The following GLG1 variants were observed in gnomAD, a reference collection of about 807,000 sequenced individuals.
The protein encoded by GLG1 is golgi glycoprotein 1, also known as Golgi apparatus protein 1.
GLG1 carries 38 observed loss-of-function variants against 160.5 expected under a neutral mutation model. The observed-to-expected ratio is 0.24, with a 90% confidence interval of 0.18 to 0.31. The LOEUF is 0.31. Ranked by LOEUF, GLG1 falls within the 10% of genes least tolerant of loss-of-function variation. GLG1 has a pLI of 1.00. For synonymous variants in GLG1, 644 were observed against 543.4 expected (o/e 1.19, Z -2.57); for missense variants, 1,373 against 1,505.2 (o/e 0.91, Z 1.45).
At chr16:74,543,252 C>A (rs1292033193) in intron 1 of GLG1, among the ~76,000 whole-genome samples, 2 of 152,142 alleles carry the variant, frequency 1.3e-5, no homozygotes, top group Non-Finnish European at 2.9e-5. Flanking sequence ...CTGAAAGATG[C>A]GTAGCTCAAA....
At chr16:74,580,819 C>T (rs1338541034) in intron 1 of GLG1, among the ~76,000 whole-genome samples, 1 of 152,118 alleles carries the variant, frequency 6.6e-6, no homozygotes, top group Non-Finnish European at 1.5e-5. Flanking sequence ...CAACAAAATA[C>T]AAACAGCCTG....
intron 1 of GLG1, among the ~76,000 whole-genome samples, chr16:74,597,737 C>T (rs917750296): frequency 6.6e-6 from 1 of 151,890 alleles, no homozygotes; most frequent in Non-Finnish European, 1.5e-5. Context: ...GCCTGTAGTC[C>T]CAGCTACTCG....
At chr16:74,592,037 G>A (rs950162263) in intron 1 of GLG1, among the ~76,000 whole-genome samples, 5 of 152,168 alleles carry the variant, frequency 3.3e-5, no homozygotes, top group Admixed American at 6.5e-5. Context: ...GGCTCTCACC[G>A]TATTGCCAAA....
chr16:74,569,893 A>G (rs990539968), intron 1 of GLG1, among the ~76,000 whole-genome samples: 1 of 150,552 alleles, frequency 6.6e-6, no homozygotes, highest in East Asian at 2.0e-4. Context: ...AAAAAAAGCA[A>G]CGGTTTTGGC....
intron 1 of GLG1, among the ~76,000 whole-genome samples, chr16:74,588,407 T>C (rs1342221066): frequency 1.3e-5 from 2 of 152,174 alleles, no homozygotes; most frequent in Non-Finnish European, 1.5e-5. Flanking sequence ...TTAAGCTTTT[T>C]GGATTTGAAT....
At chr16:74,519,325 G>C (rs1345339023) in intron 2 of GLG1, among the ~76,000 whole-genome samples, 11 of 151,644 alleles carry the variant, frequency 7.3e-5, no homozygotes, top group Non-Finnish European at 1.5e-4. Flanking sequence ...TCACACACTG[G>C]GGCCTTTTGG....
chr16:74,468,090 C>T (rs2015064890), intron 17 of GLG1: 2 of 416,624 alleles, frequency 4.8e-6, no homozygotes, highest in Non-Finnish European at 8.5e-6. Flanking sequence ...TTTAGTCCTT[C>T]ACAGGACTGC....
Position 74,606,952 on chromosome 16 carries a change from G to A in GLG1, c.143C>T (p.Ser48Phe). Reference sequence around the variant, plus strand: ...GCCGCCTCCGGCCTGCCCTACGAAGGACACAAAGTTGGCCCCGGGACCCTG... The same window carrying A: ...GCCGCCTCCGGCCTGCCCTACGAAGAACACAAAGTTGGCCCCGGGACCCTG... ...QGQGPGANFV[S>F]FVGQAGGGGP... The change falls in exon 1 of 26, where the codon TCC (serine) becomes TTC (phenylalanine). Residue 48 changes from serine to phenylalanine, a missense_variant. Coordinates refer to ENST00000422840, the MANE Select transcript of GLG1 (RefSeq NM_001145667.2). The A allele has an allele frequency of 6.2e-7, 1 of 1,609,082 alleles. No individual in the cohort carries two copies. Among genetic ancestry groups the A allele is most frequent in the Admixed American group, 1.7e-5 (1 of 59,578 alleles).
In GLG1 at chr16:74,465,777, T is replaced by C. The variant is rs1319225479; in HGVS notation, c.2566A>G (p.Ser856Gly). The C allele has an allele frequency of 1.2e-6, 2 of 1,613,332 alleles. No individual in the cohort carries two copies. Among genetic ancestry groups the C allele is most frequent in the South Asian group, 2.2e-5 (2 of 91,070 alleles). ...AATACTTTTTGGTGGCAGCGGGTGC[T>C]TAGCTGCTTCTTGTTTTCTTTCAGA... is the stretch of plus-strand genomic sequence containing the variant. ...ECLKENKKQL[S>G]TRCHQKVFKL... Residue 856 changes from serine to glycine, a missense_variant, in exon 19 of 26, where the codon AGC becomes GGC. Around this residue, in one of 4 missense-constraint regions of GLG1, gnomAD observed 491 missense variants for 632.1 expected, o/e 0.78. Coordinates refer to ENST00000422840, the MANE Select transcript of GLG1 (RefSeq NM_001145667.2).
intron 1 of GLG1, among the ~76,000 whole-genome samples, chr16:74,540,459 GA>G (rs2143649063): frequency 6.6e-6 from 1 of 151,902 alleles, no homozygotes; most frequent in South Asian, 2.1e-4. Flanking sequence ...TCCCTTTAGG[GA>G]AACATTTAGA....
rs543351088 is a variant in GLG1 at position 74,563,587 on chromosome 16, C to T, written c.439-31434G>A. 8.5e-4 allele frequency among the ~76,000 whole-genome samples: 129 copies of T among 151,948 alleles called. 2 individuals carry two copies. The highest frequency in any genetic ancestry group is 1.6e-3 in the Non-Finnish European group (108 of 67,974). ...AGCAGAAACACAAAAATTAGCGGGG[C>T]GTGGTGGCGTGTGCCTGTAGTCCCA... is the stretch of plus-strand genomic sequence containing the variant. On this transcript the variant is annotated intron_variant, in intron 1 of 25. Coordinates refer to ENST00000422840, the MANE Select transcript of GLG1 (RefSeq NM_001145667.2).
At chr16:74,590,174 A>AT (rs1958140842) in intron 1 of GLG1, among the ~76,000 whole-genome samples, 1 of 151,704 alleles carries the variant, frequency 6.6e-6, no homozygotes. Flanking sequence ...AGTTTTTTGT[A>AT]TTTTTTAGTA....
At chr16:74,529,812 CT>C (rs1178684020) in intron 2 of GLG1, among the ~76,000 whole-genome samples, 185 of 115,728 alleles carry the variant, frequency 1.6e-3, no homozygotes, top group South Asian at 7.2e-3. Context: ...TTTGAGAGTT[CT>C]TTTTTTTTTT....
chr16:74,453,388 G>T, intron 25 of GLG1, 54 bp from the exon 26 acceptor site: 1 of 1,204,734 alleles, frequency 8.3e-7, no homozygotes, highest in Non-Finnish European at 1.2e-6. Flanking sequence ...GCTGGTGGCA[G>T]TGCTAGGTCT....
At position 74,595,194 on chromosome 16, in the gene GLG1, A is replaced by T. The variant is rs547518290; in HGVS notation, c.438+11463T>A. On this transcript the variant is annotated intron_variant, in intron 1 of 25. Transcript: ENST00000422840. ...CAGAGCAAGAATCCGTCTCAAAAAA[A>T]AATAATAATAATTTAATTAACATGA... Among the ~76,000 whole-genome samples the T allele has an allele frequency of 1.7e-3, 247 of 142,676 alleles. 1 individual carries two copies. Among genetic ancestry groups the T allele is most frequent in the African/African-American group, 4.5e-3 (175 of 38,518 alleles). The allele number at this position is 142,676 out of a possible 152,430, so 93.6% of individuals were successfully genotyped here.
chr16:74,565,071 G>C (rs753129251), intron 1 of GLG1, among the ~76,000 whole-genome samples: 1 of 152,164 alleles, frequency 6.6e-6, no homozygotes, highest in Non-Finnish European at 1.5e-5. Context: ...AGATGGGGTG[G>C]CTCATGCCTG....
At chr16:74,603,535 C>T (rs556230093) in intron 1 of GLG1, among the ~76,000 whole-genome samples, 11 of 152,140 alleles carry the variant, frequency 7.2e-5, no homozygotes, top group South Asian at 2.1e-4. Flanking sequence ...CTCAGCCTCC[C>T]AAAGGGCTAG....
At chr16:74,486,752 T>C (rs904348557) in intron 8 of GLG1, among the ~76,000 whole-genome samples, 6 of 152,120 alleles carry the variant, frequency 3.9e-5, no homozygotes, top group Non-Finnish European at 7.4e-5. Flanking sequence ...TTTGAGAACA[T>C]GGACAAATTG....
At chr16:74,517,384 G>C (rs919760421) in intron 2 of GLG1, among the ~76,000 whole-genome samples, 2 of 152,164 alleles carry the variant, frequency 1.3e-5, no homozygotes, top group Admixed American at 6.6e-5. Context: ...GGGATGCAAG[G>C]CTGGTTCAAC....
Sources: gnomAD v4.1 joint callset for allele counts (sites outside exome capture counted in the v4.1 genomes callset) on GRCh38, gnomAD v4.1.1 for gene constraint, gnomAD v4.1.1 regional missense constraint, MANE v1.5 for transcripts, NCBI Gene and HGNC (gene_info 2026-07-23, HGNC 2026-07-21) for gene names.